The following LRCH2 variants were observed in gnomAD, a reference collection of about 807,000 sequenced individuals.
LRCH2 encodes leucine rich repeats and calponin homology domain containing 2.
Under a neutral mutation model 68.9 loss-of-function variants are expected in LRCH2, and 38 were observed. That is an observed-to-expected ratio of 0.55 (90% CI 0.43 to 0.72). LRCH2 has a LOEUF of 0.72. Among genes scored for constraint, LRCH2 ranks in the 30% least tolerant of loss-of-function variants. LRCH2 has a pLI of 0.00. For synonymous variants in LRCH2, 191 were observed against 208.1 expected (o/e 0.92, Z 0.71); for missense variants, 528 against 572.9 (o/e 0.92, Z 0.80).
intron 1 of LRCH2, among the ~76,000 whole-genome samples, chrX:115,224,053 G>C (rs1434325275): frequency 9.0e-6 from 1 of 111,713 alleles, no homozygotes; most frequent in Non-Finnish European, 1.9e-5. Context: ...TCATAATACT[G>C]GTACATGCTA....
chrX:115,119,291 T>A (rs1353692403), intron 20 of LRCH2, among the ~76,000 whole-genome samples: 2 of 108,263 alleles, frequency 1.8e-5, no homozygotes, highest in Non-Finnish European at 3.8e-5. Flanking sequence ...GCCCAAAATC[T>A]CCTTAACCTG....
intron 1 of LRCH2, among the ~76,000 whole-genome samples, chrX:115,225,225 T>C (rs2073110921): frequency 8.9e-6 from 1 of 111,819 alleles, no homozygotes; most frequent in South Asian, 3.7e-4. Context: ...GCTTCTGTGA[T>C]CCTCCTTGGG....
intron 1 of LRCH2, chrX:115,191,236 C>G (rs782032394): frequency 8.7e-7 from 1 of 1,152,941 alleles, no homozygotes; most frequent in South Asian, 1.9e-5. Flanking sequence ...AGGCCGCTCC[C>G]TCGATGCCAA....
chrX:115,201,975 A>C (rs1188669584), intron 1 of LRCH2, among the ~76,000 whole-genome samples: 1 of 111,942 alleles, frequency 8.9e-6, no homozygotes, highest in African/African-American at 3.2e-5. Context: ...AAGGAAAACT[A>C]TAAAACACAG....
intron 14 of LRCH2, among the ~76,000 whole-genome samples, chrX:115,136,170 T>C (rs1328205579): frequency 9.0e-6 from 1 of 111,624 alleles, no homozygotes; most frequent in Admixed American, 9.6e-5. Flanking sequence ...CAAAGTCACA[T>C]AGTTAATAGG....
At chrX:115,140,695 G>A (rs952471825) in intron 14 of LRCH2, among the ~76,000 whole-genome samples, 15 of 111,261 alleles carry the variant, frequency 1.3e-4, no homozygotes, top group African/African-American at 3.9e-4. Flanking sequence ...CATGAGCAGC[G>A]GGCTAGCAGA....
intron 5 of LRCH2, among the ~76,000 whole-genome samples, chrX:115,173,273 T>C (rs1556548276): frequency 2.7e-5 from 3 of 112,022 alleles, no homozygotes; most frequent in Non-Finnish European, 1.9e-5. Context: ...TAAGGGGCTC[T>C]GCTGCCTGAG....
chrX:115,165,745 T>G, intron 8 of LRCH2, 90 bp from the exon 9 acceptor site: 1 of 929,981 alleles, frequency 1.1e-6, no homozygotes, highest in East Asian at 3.4e-5. Flanking sequence ...ATTTTCTCAA[T>G]GTAAGAGTTT....
At chrX:115,211,767 C>A (rs782542654) in intron 1 of LRCH2, among the ~76,000 whole-genome samples, 4 of 111,157 alleles carry the variant, frequency 3.6e-5, no homozygotes, top group Non-Finnish European at 7.6e-5. Flanking sequence ...ACACACCCCC[C>A]CAAGATTGCT....
intron 2 of LRCH2, 126 bp downstream of exon 2, chrX:115,188,100 A>G: frequency 2.1e-6 from 1 of 477,427 alleles, no homozygotes; most frequent in Non-Finnish European, 3.3e-6. Flanking sequence ...ACATATAAAA[A>G]ACACAAATAA....
chrX:115,189,339 C>A (rs782509934), intron 1 of LRCH2: 107 of 908,040 alleles, frequency 1.2e-4, no homozygotes, highest in Middle Eastern at 3.4e-4. Flanking sequence ...ATCCACCCCC[C>A]CAACCGGTAG....
At chrX:115,125,554 T>C (rs2072186963) in intron 16 of LRCH2, among the ~76,000 whole-genome samples, 1 of 26,197 alleles carries the variant, frequency 3.8e-5, no homozygotes, top group Non-Finnish European at 5.8e-5. Flanking sequence ...TATATATATA[T>C]ATATATATAT....
Position 115,188,392 on chromosome X carries a change from T to C in LRCH2, c.350-22A>G, listed in dbSNP as rs1216685364. 3.7e-6 allele frequency: 4 copies of C among 1,081,319 alleles called. No homozygotes were observed. The African/African-American group carries it at 5.6e-5, about 15-fold the overall frequency. 89.1% of individuals were successfully genotyped at this position (1,081,319 alleles called of 1,213,427 possible). ...AGATCTGAAAAGAAAATAGTGAGTATTAAACATATACCTATATCTATGGTA... is the reference window on the plus strand; with the variant it reads ...AGATCTGAAAAGAAAATAGTGAGTACTAAACATATACCTATATCTATGGTA... On this transcript the variant is annotated intron_variant, in intron 1 of 20. Coordinates refer to ENST00000317135, the MANE Select transcript of LRCH2 (RefSeq NM_020871.4).
intron 14 of LRCH2, among the ~76,000 whole-genome samples, 198 bp downstream of exon 14, chrX:115,149,629 T>C (rs1330054694): frequency 1.8e-5 from 2 of 111,784 alleles, no homozygotes; most frequent in African/African-American, 6.5e-5. Context: ...AATTTATATT[T>C]ATCTACTCAA....
At chrX:115,192,826 T>A (rs1258153525) in intron 1 of LRCH2, 3 of 468,815 alleles carry the variant, frequency 6.4e-6, no homozygotes, top group Admixed American at 8.1e-5. Flanking sequence ...TTGAAATTGT[T>A]AATGTTTCTT....
At chrX:115,190,116 C>T in intron 1 of LRCH2, 1 of 1,157,562 alleles carries the variant, frequency 8.6e-7, no homozygotes, top group Non-Finnish European at 1.2e-6. Flanking sequence ...CTGGGAAGGC[C>T]CCGGCCGTGT....
intron 14 of LRCH2, among the ~76,000 whole-genome samples, chrX:115,144,573 A>T (rs2072366329): frequency 9.0e-6 from 1 of 111,238 alleles, no homozygotes; most frequent in South Asian, 3.8e-4. Context: ...ACCAAAAAAA[A>T]AAAAATAGAA....
intron 1 of LRCH2, among the ~76,000 whole-genome samples, chrX:115,196,420 C>T (rs1556563282): frequency 1.8e-5 from 2 of 111,250 alleles, no homozygotes; most frequent in Admixed American, 9.5e-5. Context: ...CACATCATGG[C>T]TCATGCACGC....
chrX:115,145,752 C>A (rs782542143), intron 14 of LRCH2, among the ~76,000 whole-genome samples: 1 of 111,483 alleles, frequency 9.0e-6, no homozygotes, highest in Non-Finnish European at 1.9e-5. Context: ...TCATCTTACC[C>A]CAGTTAAAGT....
Sources: gnomAD v4.1 joint callset for allele counts (sites outside exome capture counted in the v4.1 genomes callset) on GRCh38, gnomAD v4.1.1 for gene constraint, MANE v1.5 for transcripts, NCBI Gene and HGNC (gene_info 2026-07-23, HGNC 2026-07-21) for gene names.